Variants in TMEM263 observed in about 807,000 individuals in gnomAD.
TMEM263 encodes transmembrane protein 263, also known as UPF0444 transmembrane protein C12orf23.
A neutral mutation model predicts 8.6 loss-of-function variants in TMEM263; 5 were observed. The observed-to-expected ratio is 0.58, with a 90% confidence interval of 0.31 to 1.23. The LOEUF (loss-of-function observed/expected upper bound fraction) is 1.23, where lower values mean the gene tolerates loss of function less well. Ranked by LOEUF, TMEM263 falls within the 50% of genes most tolerant of loss-of-function variation. TMEM263 has a pLI of 0.07. For missense variants in TMEM263, 104 were observed against 138.8 expected (o/e 0.75, Z 1.26); for synonymous variants, 50 against 47.9 (o/e 1.04, Z -0.18).
chr12:106,957,576 C>T (rs376147191), intron 2 of TMEM263, among the ~76,000 whole-genome samples: 4 of 151,926 alleles, frequency 2.6e-5, no homozygotes, highest in African/African-American at 9.7e-5. Flanking sequence ...AGAATAAGAC[C>T]TTTGTATGCT....
chr12:106,971,116 G>T lies in TMEM263; in HGVS notation c.76G>T (p.Asp26Tyr), dbSNP rs1951914722. Residue 26 changes from aspartate to tyrosine, a missense_variant, in exon 4 of 4, where the codon GAT becomes TAT. By Grantham distance (160) the Asp-to-Tyr change is radical (BLOSUM62 -3). Coordinates refer to ENST00000280756, the MANE Select transcript of TMEM263 (RefSeq NM_152261.4). ...TTTTCTCTCATTAGGTTCAATGAAAGATCACCCACAGCAGCAGCCAGGCAT... is the reference window on the plus strand; with the variant it reads ...TTTTCTCTCATTAGGTTCAATGAAATATCACCCACAGCAGCAGCCAGGCAT... Reference protein sequence around the residue: ...NDEPPEGSMKDHPQQQPGMLS... With the variant: ...NDEPPEGSMKYHPQQQPGMLS... 1 of 1,614,018 alleles carries T rather than the reference G, an allele frequency of 6.2e-7. No homozygotes were observed. The highest frequency in any genetic ancestry group is 2.2e-5 in the East Asian group (1 of 44,876).
chr12:106,960,338 GTT>G (rs762185401), intron 2 of TMEM263, among the ~76,000 whole-genome samples: 12 of 140,910 alleles, frequency 8.5e-5, no homozygotes, highest in Non-Finnish European at 7.8e-5. Flanking sequence ...TCCGGCCCTT[GTT>G]TTTTTTTTTT....
Position 106,964,971 on chromosome 12 carries a change from G to T in TMEM263, c.-6-2140G>T, listed in dbSNP as rs146399211. Reference sequence around the variant, plus strand: ...TTGTATTCCCTACAGCAGCCAGAATGATCTTTTAAAAGATCACCTTACTCT... The same window carrying T: ...TTGTATTCCCTACAGCAGCCAGAATTATCTTTTAAAAGATCACCTTACTCT... On this transcript the variant is annotated intron_variant, in intron 2 of 3. Transcript: ENST00000280756. 7.0e-3 allele frequency among the ~76,000 whole-genome samples: 1,073 copies of T among 152,242 alleles called. 9 individuals are homozygous for T. The highest frequency in any genetic ancestry group is 0.012 in the Non-Finnish European group (808 of 68,018).
rs1423867618 is a variant in TMEM263, at chr12:106,956,007, C to T, written c.-133C>T. The T allele has an allele frequency of 8.1e-6, 8 of 986,078 alleles. No homozygotes were observed. Among genetic ancestry groups the T allele is most frequent in the Admixed American group, 6.1e-5 (1 of 16,290 alleles). The allele number at this position is 986,078 out of a possible 1,614,324, so 61.1% of individuals were successfully genotyped here. The stretch of plus-strand genomic sequence containing the variant: ...CCGCCCAGGCCGCCTCAGCTCTCCT[C>T]TGCGCCGGCCCGCTCACTCCGCCCG... On this transcript the variant is annotated 5_prime_UTR_variant, in exon 1 of 4. Transcript: ENST00000280756.
intron 2 of TMEM263, among the ~76,000 whole-genome samples, chr12:106,965,827 A>C (rs1951837490): frequency 6.6e-6 from 1 of 151,974 alleles, no homozygotes; most frequent in African/African-American, 2.4e-5. Flanking sequence ...GTAAATTTTG[A>C]ATTCTGTTAA....
chr12:106,961,204 T>G (rs1178715492), intron 2 of TMEM263, among the ~76,000 whole-genome samples: 1 of 145,084 alleles, frequency 6.9e-6, no homozygotes, highest in South Asian at 2.2e-4. Flanking sequence ...ACTACAGGCG[T>G]GCACCACCGT....
At position 106,971,408 on chromosome 12, in the gene TMEM263, T is replaced by C. The variant is rs1188869437; in HGVS notation, c.*17T>C. On this transcript the variant is annotated 3_prime_UTR_variant, in exon 4 of 4. Coordinates refer to ENST00000280756, the MANE Select transcript of TMEM263 (RefSeq NM_152261.4). ...TCTGACTGAAATATAGAGATACACT[T>C]GCGCTCCACAGCACTGTAATGCCAG... 1 of 1,577,964 alleles carries C rather than the reference T, an allele frequency of 6.3e-7. No homozygotes were observed. The highest frequency in any genetic ancestry group is 8.6e-7 in the Non-Finnish European group (1 of 1,160,884).
intron 3 of TMEM263, among the ~76,000 whole-genome samples, chr12:106,970,515 G>A (rs572215073): frequency 6.6e-6 from 1 of 152,268 alleles, no homozygotes; most frequent in South Asian, 2.1e-4. Context: ...TCAGTCTGTT[G>A]TATTATACAT....
chr12:106,963,129 G>A (rs1951801140), intron 2 of TMEM263, among the ~76,000 whole-genome samples: 1 of 152,204 alleles, frequency 6.6e-6, no homozygotes, highest in Admixed American at 6.5e-5. Flanking sequence ...GATAAACAAG[G>A]AACTCTGTGT....
Position 106,971,422 on chromosome 12 carries a change from C to G in TMEM263, c.*31C>G. On this transcript the variant is annotated 3_prime_UTR_variant, in exon 4 of 4. Coordinates refer to ENST00000280756, the MANE Select transcript of TMEM263 (RefSeq NM_152261.4). Reference sequence around the variant, plus strand: ...AGAGATACACTTGCGCTCCACAGCACTGTAATGCCAGTGGCATTGAATTGC... The same window carrying G: ...AGAGATACACTTGCGCTCCACAGCAGTGTAATGCCAGTGGCATTGAATTGC... 1.9e-6 allele frequency: 3 copies of G among 1,540,278 alleles called. No individual in the cohort carries two copies. Among genetic ancestry groups the G allele is most frequent in the Non-Finnish European group, 1.7e-6 (2 of 1,143,868 alleles).
intron 3 of TMEM263, among the ~76,000 whole-genome samples, chr12:106,969,004 TA>T (rs1951882383): frequency 1.3e-5 from 2 of 152,234 alleles, no homozygotes; most frequent in Admixed American, 1.3e-4. Flanking sequence ...TAACTATACT[TA>T]TTAAGTAGTT....
chr12:106,961,481 C>G (rs903524459), intron 2 of TMEM263, among the ~76,000 whole-genome samples: 1 of 151,856 alleles, frequency 6.6e-6, no homozygotes. Context: ...AAATAGCAAT[C>G]CAAGTAGCAA....
rs779171761 is a variant in TMEM263 at position 106,967,129 on chromosome 12, G to C, written c.13G>C (p.Asp5His). MNQT[D>H]KNQQEIPSYL... ...TTTTTAGGAGATCATGAATCAGACA[G>C]ATAAAAATCAACAAGAAATCCCATC... is the stretch of plus-strand genomic sequence containing the variant. The change falls in exon 3 of 4, where the codon GAT becomes CAT. Residue 5 changes from aspartate (D) to histidine (H), a missense_variant. By Grantham distance (81) the Asp-to-His change is moderately conservative. Transcript: ENST00000280756. 2 of 1,598,372 alleles carry C rather than the reference G, an allele frequency of 1.3e-6. No homozygotes were observed. Among genetic ancestry groups the C allele is most frequent in the Admixed American group, 3.4e-5 (2 of 58,214 alleles).
rs1951921241 is a variant in TMEM263, at chr12:106,971,473, A to G, written c.*82A>G. ...TAAATTATGGACTACAACCAAGTCA[A>G]CTGTTTTGGACGTTTATCTTCTAAA... On this transcript the variant is annotated 3_prime_UTR_variant, in exon 4 of 4. Coordinates refer to ENST00000280756, the MANE Select transcript of TMEM263 (RefSeq NM_152261.4). 2.2e-6 allele frequency: 3 copies of G among 1,381,616 alleles called. No homozygotes were observed. Among genetic ancestry groups the G allele is most frequent in the Non-Finnish European group, 2.9e-6 (3 of 1,024,606 alleles). 85.6% of individuals were successfully genotyped at this position (1,381,616 alleles called of 1,614,324 possible). A position where few individuals can be genotyped will look rare whatever the true frequency, so the allele number is the denominator to read the frequency against.
chr12:106,957,152 A>G lies in TMEM263; in HGVS notation c.-7+3A>G, dbSNP rs1951706287. 1 of 985,106 alleles carries G rather than the reference A, an allele frequency of 1.0e-6. No homozygotes were observed. Among genetic ancestry groups the G allele is most frequent in the Non-Finnish European group, 1.2e-6 (1 of 830,286 alleles). 61.0% of individuals were successfully genotyped at this position (985,106 alleles called of 1,614,324 possible). ...GAATATCGATACAACACCAACAGGTAAACGCGCGCGCCCGTGTGTGTGTGT... is the reference window on the plus strand; with the variant it reads ...GAATATCGATACAACACCAACAGGTGAACGCGCGCGCCCGTGTGTGTGTGT... On this transcript the variant is annotated splice_donor_region_variant and intron_variant, in intron 2 of 3. Transcript: ENST00000280756.
At chr12:106,960,654 G>A (rs934761710) in intron 2 of TMEM263, among the ~76,000 whole-genome samples, 5 of 152,100 alleles carry the variant, frequency 3.3e-5, no homozygotes, top group Non-Finnish European at 7.3e-5. Flanking sequence ...GGGAGAGCTG[G>A]TAAGTCTGAG....
chr12:106,956,137 C>T, intron 1 of TMEM263, 72 bp downstream of exon 1: 1 of 819,420 alleles, frequency 1.2e-6, no homozygotes, highest in Non-Finnish European at 1.5e-6. Flanking sequence ...CCTCTGCCGT[C>T]GGCGCCCCTG....
At chr12:106,956,298 G>A (rs973220986) in intron 1 of TMEM263, among the ~76,000 whole-genome samples, 10 of 152,192 alleles carry the variant, frequency 6.6e-5, no homozygotes, top group African/African-American at 2.4e-4. Context: ...GCCCCGCCGC[G>A]ATTGGAGCTT....
intron 2 of TMEM263, among the ~76,000 whole-genome samples, chr12:106,966,779 G>A (rs964093988): frequency 2.6e-5 from 4 of 151,840 alleles, no homozygotes; most frequent in African/African-American, 7.3e-5. Context: ...CATTTTTGTC[G>A]GCTAACCCCC....
Sources: allele counts gnomAD v4.1 joint callset (sites outside exome capture counted in the v4.1 genomes callset), GRCh38; gene constraint gnomAD v4.1.1; transcripts MANE v1.5; gene names NCBI Gene and HGNC (gene_info 2026-07-23, HGNC 2026-07-21).